Variants in DNAJB4 observed in about 807,000 individuals in gnomAD.
DNAJB4 encodes the protein dnaJ homolog subfamily B member 4.
A neutral mutation model predicts 26.6 loss-of-function variants in DNAJB4; 10 were observed. The observed-to-expected ratio is 0.38, with a 90% CI of 0.23 to 0.64. The LOEUF is 0.64. Ranked by LOEUF, DNAJB4 falls within the 30% of genes least tolerant of loss-of-function variation. The pLI is 0.58. For missense variants in DNAJB4, 328 were observed against 408.2 expected (o/e 0.80, Z 1.69); for synonymous variants, 136 against 134.8 (o/e 1.01, Z -0.06).
chr1:77,983,301 T>G (rs1659709850), intron 1 of DNAJB4, among the ~76,000 whole-genome samples: 1 of 152,024 alleles, frequency 6.6e-6, no homozygotes, highest in South Asian at 2.1e-4. Context: ...TACAATCGGG[T>G]TTTATACCGA....
rs1226826719 is a variant in DNAJB4, at chr1:78,016,243, C to T, written c.1010C>T (p.Ser337Leu). ...KEVLRKHLPA[S>L] ...GTACTTAGGAAACATCTTCCTGCCT[C>T]ATAGAATGAAGAACTTTGTTACACA... The change falls in exon 3 of 3, where the codon TCA becomes TTA. Residue 337 changes from serine to leucine, a missense_variant. Physicochemically the swap from Ser to Leu is moderately radical, Grantham distance 145. Coordinates refer to ENST00000370763, the MANE Select transcript of DNAJB4 (RefSeq NM_007034.5). The T allele has an allele frequency of 6.2e-7, 1 of 1,611,686 alleles. No homozygotes were observed. Among genetic ancestry groups the T allele is most frequent in the East Asian group, 2.2e-5 (1 of 44,844 alleles).
intron 2 of DNAJB4, 66 bp downstream of exon 2, chr1:78,013,685 T>C: frequency 8.0e-7 from 1 of 1,245,416 alleles, no homozygotes. Flanking sequence ...GGAGTGTATC[T>C]AGATAATAGC....
intron 1 of DNAJB4, among the ~76,000 whole-genome samples, chr1:77,991,295 G>A (rs1000193945): frequency 6.6e-6 from 1 of 152,148 alleles, no homozygotes; most frequent in African/African-American, 2.4e-5. Flanking sequence ...AAGATTCTCA[G>A]TAATGATATT....
At chr1:78,000,992 C>CA (rs11442162), upstream of DNAJB4, among the ~76,000 whole-genome samples, 119,684 of 148,394 alleles carry the variant, frequency 0.81, 48,374 homozygotes, top group East Asian at 0.91. Flanking sequence ...GACCCTGTCT[C>CA]AAAAAAAAAA....
upstream of DNAJB4, chr1:77,980,160 G>C (rs1432978342): frequency 6.6e-6 from 1 of 152,174 alleles, no homozygotes; most frequent in Admixed American, 6.6e-5. Context: ...TAGGATTATA[G>C]GCGCGAGGCA....
intron 1 of DNAJB4, among the ~76,000 whole-genome samples, chr1:77,981,800 T>C (rs1659654342): frequency 6.6e-6 from 1 of 152,228 alleles, no homozygotes; most frequent in African/African-American, 2.4e-5. Context: ...AACAAACATC[T>C]TTAGTGTATT....
intron 1 of DNAJB4, among the ~76,000 whole-genome samples, chr1:77,987,890 CATATGTAT>C (rs1005813363): frequency 2.0e-5 from 3 of 149,016 alleles, no homozygotes; most frequent in African/African-American, 4.9e-5. Flanking sequence ...CACCCTAAGC[CATATGTAT>C]ATATGTATAT....
At chr1:77,994,054 T>C (rs901301974) in intron 1 of DNAJB4, among the ~76,000 whole-genome samples, 23 of 152,326 alleles carry the variant, frequency 1.5e-4, no homozygotes, top group Admixed American at 3.9e-4. Context: ...TTTTAATGGA[T>C]GCAGTATACG....
intron 1 of DNAJB4, among the ~76,000 whole-genome samples, chr1:77,993,766 A>T: frequency 6.6e-6 from 1 of 152,302 alleles, no homozygotes; most frequent in Middle Eastern, 3.4e-3. Context: ...TATATTTTTG[A>T]AATATTAATA....
intron 1 of DNAJB4, among the ~76,000 whole-genome samples, chr1:77,988,005 TTA>T (rs959650040): frequency 2.0e-5 from 3 of 148,012 alleles, no homozygotes; most frequent in African/African-American, 5.0e-5. Flanking sequence ...TATGCATACA[TTA>T]TATATATATG....
rs983156640 is a variant in DNAJB4 at position 78,013,604 on chromosome 1, A to G, written c.765A>G (p.Lys255=). The change falls in exon 2 of 3, where the codon AAA becomes AAG. Residue 255 remains lysine, a synonymous_variant. Coordinates refer to ENST00000370763, the MANE Select transcript of DNAJB4 (RefSeq NM_007034.5). The part of the protein sequence containing the change: ...RDGSNIIYTA[K]ISLREALCGC... ...GATCAAATATAATTTATACTGCTAA[A>G]ATTAGTTTACGAGAGGTAAGTTGGT... 6.3e-7 allele frequency: 1 copy of G among 1,585,582 alleles called. No homozygotes were observed. Among genetic ancestry groups the G allele is most frequent in the Admixed American group, 1.8e-5 (1 of 54,874 alleles).
rs778159698 is a variant in DNAJB4 at position 78,013,405 on chromosome 1, A to G, written c.566A>G (p.Asp189Gly). 1 of 1,614,226 alleles carries G rather than the reference A, an allele frequency of 6.2e-7. No homozygotes were observed. Among genetic ancestry groups the G allele is most frequent in the South Asian group, 1.1e-5 (1 of 91,088 alleles). ...ATTTCTCGAAAAAGGCTAAACGCTG[A>G]TGGAAGGAGTTACAGATCTGAGGAC... ...MKISRKRLNADGRSYRSEDKI... is the reference protein window; with the variant it reads ...MKISRKRLNAGGRSYRSEDKI... The change falls in exon 2 of 3, where the codon GAT becomes GGT. Residue 189 changes from aspartate (D) to glycine (G), a missense_variant. By Grantham distance (94) the Asp-to-Gly change is moderately conservative. Transcript: ENST00000370763.
At chr1:77,984,117 A>G (rs550643683) in intron 1 of DNAJB4, among the ~76,000 whole-genome samples, 1 of 152,320 alleles carries the variant, frequency 6.6e-6, no homozygotes, top group African/African-American at 2.4e-5. Flanking sequence ...AGAAACTGCC[A>G]ATTAACCTTT....
chr1:77,987,976 TATATATATACATA>T (rs1659835604), intron 1 of DNAJB4, among the ~76,000 whole-genome samples: 2 of 148,498 alleles, frequency 1.3e-5, no homozygotes, highest in Admixed American at 6.8e-5. Flanking sequence ...ATGCATACAT[TATATATATACATA>T]ATATATATGC....
At chr1:78,015,845 G>A (rs1363333333) in intron 2 of DNAJB4, among the ~76,000 whole-genome samples, 169 bp from the exon 3 acceptor site, 1 of 151,802 alleles carries the variant, frequency 6.6e-6, no homozygotes, top group Non-Finnish European at 1.5e-5. Flanking sequence ...CACCGTGCCT[G>A]ACCTCTGAAG....
chr1:78,011,170 A>G (rs141366269), intron 1 of DNAJB4, among the ~76,000 whole-genome samples: 111 of 152,300 alleles, frequency 7.3e-4, no homozygotes, highest in African/African-American at 2.5e-3. Context: ...TGTTTCAAAT[A>G]TAATCTTTTG....
intron 1 of DNAJB4, among the ~76,000 whole-genome samples, chr1:78,007,464 C>T (rs1339588867): frequency 6.6e-6 from 1 of 151,938 alleles, no homozygotes; most frequent in East Asian, 1.9e-4. Context: ...ACCTCTAATC[C>T]CAGCTACTTG....
chr1:78,002,319 ACT>A (rs2102602410), upstream of DNAJB4, among the ~76,000 whole-genome samples: 1 of 152,182 alleles, frequency 6.6e-6, no homozygotes, highest in South Asian at 2.1e-4. Context: ...TATCATACAA[ACT>A]TGGATGACCA....
intron 1 of DNAJB4, among the ~76,000 whole-genome samples, chr1:77,990,691 A>G (rs1193452468): frequency 6.6e-6 from 1 of 152,166 alleles, no homozygotes; most frequent in Non-Finnish European, 1.5e-5. Context: ...TAGTAGCACA[A>G]CTGTGCACAC....
Sources: gnomAD v4.1 joint callset for allele counts (sites outside exome capture counted in the v4.1 genomes callset) on GRCh38, gnomAD v4.1.1 for gene constraint, MANE v1.5 for transcripts, NCBI Gene and HGNC (gene_info 2026-07-23, HGNC 2026-07-21) for gene names.